Variants in SPMIP2 observed in about 807,000 individuals in gnomAD.
SPMIP2 encodes the protein protein SPMIP2.
the SPMIP2 span, among the ~76,000 whole-genome samples, chr4:158,946,354 A>G: frequency 2.6e-4 from 40 of 152,282 alleles, no homozygotes; most frequent in Non-Finnish European, 5.6e-4. Context: ...TTCATTTGAT[A>G]AAGTTTGGCT....
chr4:158,986,883 C>A, the SPMIP2 span, among the ~76,000 whole-genome samples: 1 of 142,576 alleles, frequency 7.0e-6, no homozygotes, highest in African/African-American at 2.6e-5. Context: ...ACCTACTCAT[C>A]TGACAAAGGG....
chr4:159,056,811 G>A, the SPMIP2 span, among the ~76,000 whole-genome samples: 1 of 152,144 alleles, frequency 6.6e-6, no homozygotes, highest in Admixed American at 6.5e-5. Flanking sequence ...GAGTAACAAA[G>A]GCTGAACCCA....
the SPMIP2 span, among the ~76,000 whole-genome samples, chr4:158,975,882 C>T: frequency 6.6e-6 from 1 of 152,116 alleles, no homozygotes; most frequent in African/African-American, 2.4e-5. Flanking sequence ...GTATAAATTA[C>T]TTTGGGCAGT....
At chr4:158,964,705 C>T in the SPMIP2 span, among the ~76,000 whole-genome samples, 1 of 152,270 alleles carries the variant, frequency 6.6e-6, no homozygotes, top group Non-Finnish European at 1.5e-5. Context: ...AAAATACTAC[C>T]TAAGACTGGG....
At chr4:158,960,221 G>A in the SPMIP2 span, 3 of 968,754 alleles carry the variant, frequency 3.1e-6, no homozygotes, top group Non-Finnish European at 4.7e-6. Flanking sequence ...TTACAAAAAT[G>A]AATCCTGTTA....
chr4:158,894,614 A>C, the SPMIP2 span, among the ~76,000 whole-genome samples: 1 of 152,306 alleles, frequency 6.6e-6, no homozygotes, highest in Non-Finnish European at 1.5e-5. Context: ...GGTTCAATGT[A>C]ATATGAATAT....
chr4:159,082,582 G>T, the SPMIP2 span, among the ~76,000 whole-genome samples: 4 of 150,996 alleles, frequency 2.6e-5, no homozygotes, highest in Non-Finnish European at 5.9e-5. Flanking sequence ...GTTAAGAAAG[G>T]CATTTGATGA....
the SPMIP2 span, among the ~76,000 whole-genome samples, chr4:159,059,012 T>C: frequency 1.3e-5 from 2 of 152,214 alleles, no homozygotes; most frequent in Non-Finnish European, 1.5e-5. Flanking sequence ...AGGTACTTGA[T>C]AAAATAATTC....
the SPMIP2 span, among the ~76,000 whole-genome samples, chr4:159,038,211 A>G: frequency 3.9e-5 from 6 of 152,192 alleles, no homozygotes; most frequent in Admixed American, 6.5e-5. Flanking sequence ...ATTTTGCTCA[A>G]TGTTGCTAAC....
At chr4:158,929,220 A>G in the SPMIP2 span, among the ~76,000 whole-genome samples, 3 of 152,134 alleles carry the variant, frequency 2.0e-5, no homozygotes, top group Non-Finnish European at 4.4e-5. Flanking sequence ...GCCTTGCTCT[A>G]TTGCCCAGGC....
At chr4:158,944,367 C>T in the SPMIP2 span, among the ~76,000 whole-genome samples, 1 of 152,078 alleles carries the variant, frequency 6.6e-6, no homozygotes, top group South Asian at 2.1e-4. Flanking sequence ...TCTTATTTGA[C>T]GTCTTATTTC....
the SPMIP2 span, among the ~76,000 whole-genome samples, chr4:158,896,097 T>G: frequency 1.4e-4 from 22 of 152,316 alleles, no homozygotes; most frequent in African/African-American, 5.1e-4. Flanking sequence ...TGGTCGTGCT[T>G]TGTTGCTCTT....
the SPMIP2 span, among the ~76,000 whole-genome samples, chr4:159,030,908 C>T: frequency 6.6e-6 from 1 of 152,120 alleles, no homozygotes; most frequent in Non-Finnish European, 1.5e-5. Context: ...ATTTTCTCAT[C>T]CTCTACATGG....
the SPMIP2 span, among the ~76,000 whole-genome samples, chr4:158,922,599 ATAATTCATATACTAT>A: frequency 6.6e-6 from 1 of 152,250 alleles, no homozygotes; most frequent in Non-Finnish European, 1.5e-5. Context: ...AAATTGAGAT[ATAATTCATATACTAT>A]TGAATCCACA....
At chr4:159,064,162 G>A in the SPMIP2 span, 1 of 152,114 alleles carries the variant, frequency 6.6e-6, no homozygotes, top group African/African-American at 2.4e-5. Flanking sequence ...AGTGAGCTGA[G>A]ATGGCGCCAC....
chr4:158,984,927 G>A, the SPMIP2 span, among the ~76,000 whole-genome samples: 96,404 of 150,330 alleles, frequency 0.64, 31,174 homozygotes, highest in Middle Eastern at 0.71. Context: ...TCAAATAGAC[G>A]CAATAAAAAA....
the SPMIP2 span, among the ~76,000 whole-genome samples, chr4:158,941,648 G>A: frequency 6.6e-6 from 1 of 152,160 alleles, no homozygotes; most frequent in Non-Finnish European, 1.5e-5. Flanking sequence ...GACAGAGGAA[G>A]ATCCTGTCTC....
chr4:159,013,198 A>G, the SPMIP2 span, among the ~76,000 whole-genome samples: 1 of 152,214 alleles, frequency 6.6e-6, no homozygotes, highest in African/African-American at 2.4e-5. Flanking sequence ...AAACTTAAAC[A>G]GAGAAATGCC....
the SPMIP2 span, among the ~76,000 whole-genome samples, chr4:159,065,114 G>T: frequency 2.0e-5 from 3 of 152,170 alleles, no homozygotes; most frequent in African/African-American, 7.2e-5. Context: ...ACATACATTT[G>T]CACTTTTATT....
Sources: allele counts gnomAD v4.1 joint callset (sites outside exome capture counted in the v4.1 genomes callset), GRCh38; gene constraint gnomAD v4.1.1; transcripts MANE v1.5; gene names NCBI Gene and HGNC (gene_info 2026-07-23, HGNC 2026-07-21).